Variants in MYO10 observed in about 807,000 individuals in gnomAD.
MYO10 encodes myosin X, also known as unconventional myosin-X.
In MYO10, 133 loss-of-function variants were observed where a neutral mutation model predicts 257.3. The ratio of observed to expected loss-of-function variants is 0.52; its 90% CI spans 0.45 to 0.60. The LOEUF (loss-of-function observed/expected upper bound fraction) is 0.60, where lower values mean the gene tolerates loss of function less well. Ranked by LOEUF, MYO10 falls within the 20% of genes least tolerant of loss-of-function variation. The pLI is 0.00. For synonymous variants in MYO10, 1,104 were observed against 1,028.6 expected, an observed-to-expected ratio of 1.07 and a Z score of -1.40; for missense variants, 2,399 against 2,635.7, an observed-to-expected ratio of 0.91 and a Z score of 1.97.
chr5:16,810,842 G>A (rs981665571), intron 3 of MYO10, among the ~76,000 whole-genome samples: 3 of 152,004 alleles, frequency 2.0e-5, no homozygotes, highest in South Asian at 2.1e-4. Flanking sequence ...AGGCCAAGGC[G>A]GGTGGATCTC....
chr5:16,780,473 A>T, intron 8 of MYO10, 51 bp downstream of exon 8: 1 of 1,434,290 alleles, frequency 7.0e-7, no homozygotes, highest in Non-Finnish European at 9.6e-7. Context: ...ACATCTATTT[A>T]AATGGAAAAT....
intron 1 of MYO10, among the ~76,000 whole-genome samples, chr5:16,891,678 A>G (rs1745065779): frequency 6.6e-6 from 1 of 152,184 alleles, no homozygotes; most frequent in Non-Finnish European, 1.5e-5. Context: ...ACAACTATGC[A>G]GACAAATAGG....
chr5:16,741,947 T>C, intron 19 of MYO10: 3 of 985,366 alleles, frequency 3.0e-6, no homozygotes, highest in Non-Finnish European at 2.4e-6. Flanking sequence ...ATGTGGTGCG[T>C]CTCGGGCTGT....
chr5:16,708,895 C>T (rs544021445), intron 21 of MYO10, among the ~76,000 whole-genome samples: 5 of 152,268 alleles, frequency 3.3e-5, no homozygotes, highest in Non-Finnish European at 7.4e-5. Context: ...AAAATCAGAG[C>T]AGATTGTATT....
chr5:16,842,771 A>T (rs546020366), intron 2 of MYO10, among the ~76,000 whole-genome samples: 1 of 151,980 alleles, frequency 6.6e-6, no homozygotes, highest in South Asian at 2.1e-4. Context: ...ACAAAAAATT[A>T]ATAGTCCCAG....
intron 1 of MYO10, among the ~76,000 whole-genome samples, chr5:16,899,070 G>A (rs1416044877): frequency 6.6e-6 from 1 of 150,444 alleles, no homozygotes; most frequent in East Asian, 2.0e-4. Flanking sequence ...GGGAGGCAGA[G>A]GTTGCAGTGA....
chr5:16,790,922 C>T (rs1281617122), intron 4 of MYO10, among the ~76,000 whole-genome samples: 8 of 150,374 alleles, frequency 5.3e-5, no homozygotes, highest in South Asian at 2.1e-4. Flanking sequence ...TACACACACA[C>T]ACACACATAT....
Position 16,876,527 on chromosome 5 carries a change from C to T in MYO10, c.120+1082G>A, listed in dbSNP as rs1341497988. Among the ~76,000 whole-genome samples, 5 of 152,072 alleles carry T rather than the reference C, an allele frequency of 3.3e-5. No homozygotes were observed. The East Asian group carries it at 7.7e-4, about 23-fold the overall frequency. On this transcript the variant is annotated intron_variant, in intron 2 of 40. Transcript: ENST00000513610. ...CATTACCCTAAATTCTCAGTGGGAT[C>T]CTAGTATTTTCAACACTCTATTTGT...
chr5:16,804,397 C>T (rs1742208189), intron 3 of MYO10, among the ~76,000 whole-genome samples: 1 of 152,156 alleles, frequency 6.6e-6, no homozygotes, highest in South Asian at 2.1e-4. Context: ...GAAGTATTTT[C>T]GTAACAGGTC....
intron 19 of MYO10, among the ~76,000 whole-genome samples, chr5:16,729,686 C>T (rs533727564): frequency 1.3e-3 from 198 of 152,260 alleles, no homozygotes; most frequent in Non-Finnish European, 2.2e-3. Flanking sequence ...CCTTGTGATC[C>T]ACCCGCCTCG....
chr5:16,728,764 C>T (rs1018154258), intron 19 of MYO10, among the ~76,000 whole-genome samples: 1 of 152,158 alleles, frequency 6.6e-6, no homozygotes, highest in African/African-American at 2.4e-5. Context: ...TAGTTCTGTG[C>T]CCTTCGTCCT....
At chr5:16,813,894 G>A (rs1331223978) in intron 3 of MYO10, among the ~76,000 whole-genome samples, 1 of 152,190 alleles carries the variant, frequency 6.6e-6, no homozygotes, top group Non-Finnish European at 1.5e-5. Flanking sequence ...ATGAAGAAAG[G>A]GAGCCACAGA....
At chr5:16,770,862 A>G (rs1165915578) in intron 9 of MYO10, among the ~76,000 whole-genome samples, 4 of 152,178 alleles carry the variant, frequency 2.6e-5, no homozygotes. Flanking sequence ...CGTGCCTCCC[A>G]GGTTCAAGCG....
At position 16,918,868 on chromosome 5, in the gene MYO10, G is replaced by C. The variant is rs764642934; in HGVS notation, c.21+16920C>G. 2.0e-5 allele frequency among the ~76,000 whole-genome samples: 3 copies of C among 152,280 alleles called. No homozygotes were observed. In the South Asian group the frequency reaches 6.2e-4, roughly 32 times the overall value. On this transcript the variant is annotated intron_variant, in intron 1 of 40. Coordinates refer to ENST00000513610, the MANE Select transcript of MYO10 (RefSeq NM_012334.3). ...CTTACTTACGCCAATCACTCGGGAT[G>C]AGTGTGCAGTTGCTGTCATCACAAA... is the stretch of plus-strand genomic sequence containing the variant.
intron 9 of MYO10, among the ~76,000 whole-genome samples, chr5:16,777,216 G>A (rs1214056244): frequency 6.6e-6 from 1 of 152,182 alleles, no homozygotes; most frequent in Non-Finnish European, 1.5e-5. Flanking sequence ...GCCAAAAGGT[G>A]CTGTCTGCAG....
chr5:16,908,134 G>A (rs1423813950), intron 1 of MYO10, among the ~76,000 whole-genome samples: 3 of 152,212 alleles, frequency 2.0e-5, no homozygotes, highest in Admixed American at 2.0e-4. Flanking sequence ...TCGGGAGGCT[G>A]AGGCAGAGAA....
Position 16,685,964 on chromosome 5 carries a change from G to A in MYO10, c.3897-133C>T, listed in dbSNP as rs73049043. 3.2e-4 allele frequency: 212 copies of A among 661,248 alleles called. No homozygotes were observed. In the African/African-American group the frequency reaches 3.6e-3, roughly 11 times the overall value. 41.0% of individuals were successfully genotyped at this position (661,248 alleles called of 1,614,324 possible). A position where few individuals can be genotyped will look rare whatever the true frequency, so the allele number is the denominator to read the frequency against. ...GCTTTTAATTTGATTACTTCTTAGG[G>A]GTAAATGTCAGTTTCATTACCAAAG... On this transcript the variant is annotated intron_variant, in intron 28 of 40. Transcript: ENST00000513610.
At chr5:16,874,999 C>T (rs915725089) in intron 2 of MYO10, among the ~76,000 whole-genome samples, 2 of 152,102 alleles carry the variant, frequency 1.3e-5, no homozygotes, top group Non-Finnish European at 2.9e-5. Flanking sequence ...AAGCGGAAAC[C>T]CCTGATAAAC....
chr5:16,673,587 C>G lies in MYO10; in HGVS notation c.5172+95G>C, dbSNP rs891586322. 1.2e-4 allele frequency: 158 copies of G among 1,364,230 alleles called. No individual in the cohort carries two copies. In the African/African-American group the frequency reaches 2.2e-3, roughly 19 times the overall value. The allele number at this position is 1,364,230 out of a possible 1,614,324, so 84.5% of individuals were successfully genotyped here. The stretch of plus-strand genomic sequence containing the variant: ...CTGTACTAAGCAAACTGCAACTGTG[C>G]AGGACAGCCACTCTAATGCTGCACA... On this transcript the variant is annotated intron_variant, in intron 36 of 40. Transcript: ENST00000513610.
Sources: allele counts gnomAD v4.1 joint callset (sites outside exome capture counted in the v4.1 genomes callset), GRCh38; gene constraint gnomAD v4.1.1; transcripts MANE v1.5; gene names NCBI Gene and HGNC (gene_info 2026-07-23, HGNC 2026-07-21).